Variants in PVT1 observed in about 807,000 individuals in gnomAD.
PVT1 encodes CXCR4/PVT1 fusion.
chr8:127,895,530 G>A (rs770903509), intron 3 of PVT1, among the ~76,000 whole-genome samples: 13 of 151,956 alleles, frequency 8.6e-5, no homozygotes, highest in Admixed American at 7.9e-4. Context: ...TTTATTATGA[G>A]AATTAAATAA....
chr8:127,949,559 C>A (rs901078250), intron 3 of PVT1, among the ~76,000 whole-genome samples: 1 of 151,944 alleles, frequency 6.6e-6, no homozygotes, highest in East Asian at 1.9e-4. Context: ...CCCCACCCCC[C>A]ATCCCTGGTA....
intron 5 of PVT1, among the ~76,000 whole-genome samples, chr8:128,096,165 GC>G (rs1814426778): frequency 6.6e-6 from 1 of 152,224 alleles, no homozygotes; most frequent in African/African-American, 2.4e-5. Context: ...TGTTTGTGGG[GC>G]ACAGGATACA....
intron 5 of PVT1, among the ~76,000 whole-genome samples, chr8:128,092,007 CA>C: frequency 6.6e-6 from 1 of 152,184 alleles, no homozygotes; most frequent in East Asian, 1.9e-4. Flanking sequence ...AACAGGTCAA[CA>C]ACCGGACTGA....
intron 2 of PVT1, among the ~76,000 whole-genome samples, chr8:127,873,991 G>A (rs1815379064): frequency 6.6e-6 from 1 of 152,216 alleles, no homozygotes; most frequent in Non-Finnish European, 1.5e-5. Flanking sequence ...CCTATATCTG[G>A]GAGATGTAGA....
At position 128,029,576 on chromosome 8, in the gene PVT1, T is replaced by C. The variant is rs762036304; in HGVS notation, n.912+40285T>C. On this transcript the variant is annotated intron_variant and non_coding_transcript_variant, in intron 4 of 10. Transcript: ENST00000651587. ...CAGCACTTTGGGAGGCCGAGGCAGGTGGATCATGAGGTTAGGAGTTCAAGG... is the reference window on the plus strand; with the variant it reads ...CAGCACTTTGGGAGGCCGAGGCAGGCGGATCATGAGGTTAGGAGTTCAAGG... Among the ~76,000 whole-genome samples, 278 of 151,866 alleles carry C rather than the reference T, an allele frequency of 1.8e-3. 1 individual carries two copies. Among genetic ancestry groups the C allele is most frequent in the Non-Finnish European group, 3.2e-3 (218 of 67,922 alleles).
At chr8:127,962,898 A>C (rs1816661761) in intron 3 of PVT1, among the ~76,000 whole-genome samples, 1 of 152,092 alleles carries the variant, frequency 6.6e-6, no homozygotes, top group South Asian at 2.1e-4. Context: ...GCCTGGCCTC[A>C]TCTGCATTTT....
intron 3 of PVT1, among the ~76,000 whole-genome samples, chr8:127,979,944 A>G (rs899866614): frequency 2.0e-5 from 3 of 152,130 alleles, no homozygotes; most frequent in African/African-American, 4.8e-5. Context: ...TATTGGCATG[A>G]TCATAGCCCA....
At chr8:127,924,974 G>A (rs1816111610) in intron 3 of PVT1, among the ~76,000 whole-genome samples, 1 of 152,130 alleles carries the variant, frequency 6.6e-6, no homozygotes, top group South Asian at 2.1e-4. Flanking sequence ...ATATATTCAT[G>A]GAGTTGTGCA....
At chr8:127,924,181 T>G (rs1396568605) in intron 3 of PVT1, among the ~76,000 whole-genome samples, 1 of 152,198 alleles carries the variant, frequency 6.6e-6, no homozygotes, top group African/African-American at 2.4e-5. Context: ...GTTTGCGTTT[T>G]CATACAGTGG....
intron 3 of PVT1, among the ~76,000 whole-genome samples, chr8:127,953,007 G>T (rs7007478): frequency 1.3e-5 from 2 of 151,816 alleles, no homozygotes; most frequent in African/African-American, 4.8e-5. Context: ...CTCGTGATCC[G>T]CCCGCCTTGG....
At chr8:128,037,107 C>T (rs576200982) in intron 4 of PVT1, among the ~76,000 whole-genome samples, 34 of 151,962 alleles carry the variant, frequency 2.2e-4, no homozygotes, top group African/African-American at 8.0e-4. Context: ...GGAAGCTCCC[C>T]CAGGCAGTGG....
intron 6 of PVT1, among the ~76,000 whole-genome samples, chr8:128,100,439 G>A (rs551460084): frequency 4.6e-5 from 7 of 152,238 alleles, no homozygotes; most frequent in South Asian, 2.1e-4. Context: ...CCACATGGAC[G>A]GGAATGAGAA....
chr8:127,926,972 T>C (rs1816137514), intron 3 of PVT1, among the ~76,000 whole-genome samples: 1 of 152,044 alleles, frequency 6.6e-6, no homozygotes. Flanking sequence ...CTTCCTTCCC[T>C]CCTCCGTTCA....
intron 2 of PVT1, among the ~76,000 whole-genome samples, chr8:127,829,561 G>A (rs1430110722): frequency 6.6e-6 from 1 of 152,170 alleles, no homozygotes; most frequent in African/African-American, 2.4e-5. Context: ...GAGGGTGGCT[G>A]CTCAGCCCAA....
At chr8:127,823,159 C>T (rs1470565003) in intron 2 of PVT1, among the ~76,000 whole-genome samples, 1 of 152,166 alleles carries the variant, frequency 6.6e-6, no homozygotes, top group African/African-American at 2.4e-5. Flanking sequence ...CCCAGTTTAT[C>T]TGCATGAGAA....
chr8:127,947,731 G>C (rs1253368778), intron 3 of PVT1: 1 of 456,506 alleles, frequency 2.2e-6, no homozygotes, highest in African/African-American at 2.0e-5. Flanking sequence ...GTGAATGGAA[G>C]ACTGAAGAAA....
intron 3 of PVT1, among the ~76,000 whole-genome samples, chr8:127,920,966 T>C (rs1299155636): frequency 6.6e-6 from 1 of 152,260 alleles, no homozygotes; most frequent in African/African-American, 2.4e-5. Flanking sequence ...AAAAAGATCC[T>C]ACCCTTTGAT....
At chr8:127,889,033 TTTCTTTCTTC>T (rs1815561891) in intron 2 of PVT1, among the ~76,000 whole-genome samples, 1 of 72,516 alleles carries the variant, frequency 1.4e-5, no homozygotes. Context: ...CCTTTCTCTC[TTTCTTTCTTC>T]CTTCCTTCCT....
intron 3 of PVT1, among the ~76,000 whole-genome samples, chr8:127,961,142 G>C (rs978022679): frequency 6.6e-6 from 1 of 152,226 alleles, no homozygotes; most frequent in Non-Finnish European, 1.5e-5. Context: ...GCAGAGGCCA[G>C]ATCCTAGAAA....
Sources: gnomAD v4.1 joint callset for allele counts (sites outside exome capture counted in the v4.1 genomes callset) on GRCh38, gnomAD v4.1.1 for gene constraint, MANE v1.5 for transcripts, NCBI Gene and HGNC (gene_info 2026-07-23, HGNC 2026-07-21) for gene names.